Variants in DOCK10 observed in about 807,000 individuals in gnomAD.
DOCK10 encodes the protein dedicator of cytokinesis 10.
A neutral mutation model predicts 280.1 loss-of-function variants in DOCK10; 145 were observed. That is an observed-to-expected ratio of 0.52 (90% CI 0.45 to 0.59). The LOEUF (loss-of-function observed/expected upper bound fraction) is 0.59, where lower values mean the gene tolerates loss of function less well. Among genes scored for constraint, DOCK10 ranks in the 20% least tolerant of loss-of-function variants. The probability of loss-of-function intolerance (pLI) is 0.00; values close to 1 mark genes in which losing one functional copy is unlikely to be tolerated. For synonymous variants in DOCK10, 915 were observed against 942.2 expected, an observed-to-expected ratio of 0.97 and a Z score of 0.53; for missense variants, 2,368 against 2,651.7, an observed-to-expected ratio of 0.89 and a Z score of 2.35.
In DOCK10 at chr2:225,019,447, T is replaced by TTC. The variant is rs755069641; in HGVS notation, c.123+22804_123+22805insGA. Among the ~76,000 whole-genome samples the TTC allele has an allele frequency of 7.9e-3, 1,175 of 149,212 alleles. 10 individuals are homozygous for TTC. Among genetic ancestry groups the TTC allele is most frequent in the Non-Finnish European group, 0.011 (737 of 67,094 alleles). On this transcript the variant is annotated intron_variant, in intron 1 of 55. Transcript: ENST00000258390. ...AGCTCAAGAGAGTGTGGTTTAATCT[T>TTC]TTTTTTTTTTTTTTCCTGGCTAAGA...
chr2:224,815,028 C>A (rs1042628830), intron 30 of DOCK10, among the ~76,000 whole-genome samples: 5 of 152,142 alleles, frequency 3.3e-5, no homozygotes, highest in African/African-American at 1.2e-4. Context: ...GACTCTGTGT[C>A]CCCACCCAAA....
chr2:224,895,977 C>T (rs1699964660), intron 4 of DOCK10, among the ~76,000 whole-genome samples: 1 of 151,512 alleles, frequency 6.6e-6, no homozygotes, highest in Admixed American at 6.6e-5. Flanking sequence ...ACTATTTGGC[C>T]ATATGGTACT....
At chr2:224,934,259 A>G (rs1702558344) in intron 1 of DOCK10, among the ~76,000 whole-genome samples, 1 of 152,208 alleles carries the variant, frequency 6.6e-6, no homozygotes, top group Non-Finnish European at 1.5e-5. Flanking sequence ...GATATTTATT[A>G]GGCCTTTCCT....
intron 1 of DOCK10, among the ~76,000 whole-genome samples, chr2:225,039,721 C>T (rs1690364786): frequency 2.0e-5 from 3 of 151,938 alleles, no homozygotes; most frequent in Admixed American, 2.0e-4. Flanking sequence ...TCTGTATACA[C>T]ACCCCATTCT....
At chr2:224,935,732 T>C (rs1048017756) in intron 1 of DOCK10, among the ~76,000 whole-genome samples, 2 of 152,320 alleles carry the variant, frequency 1.3e-5, no homozygotes, top group East Asian at 3.9e-4. Context: ...CCTATGGGTT[T>C]TTAATGTTCA....
chr2:224,854,663 A>G (rs759733278), intron 16 of DOCK10, among the ~76,000 whole-genome samples: 20 of 152,206 alleles, frequency 1.3e-4, no homozygotes, highest in Non-Finnish European at 2.5e-4. Context: ...ATAATTTAAT[A>G]CCTTGTTAGG....
At chr2:225,004,572 G>A (rs1429450592) in intron 1 of DOCK10, among the ~76,000 whole-genome samples, 5 of 152,208 alleles carry the variant, frequency 3.3e-5, no homozygotes, top group Admixed American at 2.0e-4. Context: ...GCTCAGAGAG[G>A]TTAAATAACT....
At chr2:224,810,908 A>G (rs1693727754) in intron 31 of DOCK10, among the ~76,000 whole-genome samples, 1 of 151,922 alleles carries the variant, frequency 6.6e-6, no homozygotes, top group Non-Finnish European at 1.5e-5. Context: ...GGTTGGCTCC[A>G]AGTCTTTGCT....
At chr2:224,895,715 G>A (rs1253218184) in intron 4 of DOCK10, among the ~76,000 whole-genome samples, 1 of 152,058 alleles carries the variant, frequency 6.6e-6, no homozygotes, top group Non-Finnish European at 1.5e-5. Flanking sequence ...GCTTTTCTGT[G>A]GAGGTGACTT....
chr2:224,857,131 C>T (rs1697202008), intron 14 of DOCK10, 149 bp from the exon 15 acceptor site: 1 of 569,436 alleles, frequency 1.8e-6, no homozygotes, highest in East Asian at 3.2e-5. Flanking sequence ...TTTACAAATG[C>T]TTCATTTATA....
intron 1 of DOCK10, among the ~76,000 whole-genome samples, chr2:224,987,119 C>A (rs1705996060): frequency 6.6e-6 from 1 of 152,132 alleles, no homozygotes; most frequent in Non-Finnish European, 1.5e-5. Flanking sequence ...TTTTAGCTAT[C>A]TCTTTCCCCA....
chr2:224,985,658 G>A (rs1048756388), intron 1 of DOCK10, among the ~76,000 whole-genome samples: 1 of 150,996 alleles, frequency 6.6e-6, no homozygotes, highest in Non-Finnish European at 1.5e-5. Context: ...AACGAATGAA[G>A]GGACTAACAA....
At chr2:224,944,107 C>T (rs915351060) in intron 1 of DOCK10, among the ~76,000 whole-genome samples, 1 of 152,100 alleles carries the variant, frequency 6.6e-6, no homozygotes, top group African/African-American at 2.4e-5. Flanking sequence ...GGGCACGGTA[C>T]AATGAGGCTG....
chr2:224,982,883 C>T (rs1396310926), intron 1 of DOCK10, among the ~76,000 whole-genome samples: 1 of 151,932 alleles, frequency 6.6e-6, no homozygotes, highest in Non-Finnish European at 1.5e-5. Context: ...CTTTTCATAG[C>T]TCATAAGTTC....
chr2:224,934,169 C>T (rs967185793), intron 1 of DOCK10, among the ~76,000 whole-genome samples: 6 of 152,038 alleles, frequency 3.9e-5, no homozygotes, highest in Admixed American at 3.9e-4. Context: ...TCGATATACC[C>T]AAATAAAACA....
chr2:224,811,167 G>A (rs1465710774), intron 31 of DOCK10, among the ~76,000 whole-genome samples: 1 of 152,184 alleles, frequency 6.6e-6, no homozygotes, highest in Non-Finnish European at 1.5e-5. Context: ...ACTTTTTAAT[G>A]ATCGCCATTC....
At chr2:224,771,224 A>G (rs114212088) in intron 53 of DOCK10, among the ~76,000 whole-genome samples, 2,715 of 152,302 alleles carry the variant, frequency 0.018, 70 homozygotes, top group African/African-American at 0.057. Context: ...CTGGGATTAC[A>G]GGCATGAACC....
chr2:225,006,057 A>G (rs1575161268), intron 1 of DOCK10, among the ~76,000 whole-genome samples: 1 of 152,188 alleles, frequency 6.6e-6, no homozygotes, highest in East Asian at 1.9e-4. Context: ...TATTTTTTGG[A>G]GGGGTGAGTA....
chr2:224,790,844 A>G (rs1385318591), intron 47 of DOCK10, among the ~76,000 whole-genome samples: 2 of 152,130 alleles, frequency 1.3e-5, no homozygotes, highest in African/African-American at 4.8e-5. Flanking sequence ...CAAAATAGAA[A>G]AGTATATTAA....
Sources: gnomAD v4.1 joint callset for allele counts (sites outside exome capture counted in the v4.1 genomes callset) on GRCh38, gnomAD v4.1.1 for gene constraint, MANE v1.5 for transcripts, NCBI Gene and HGNC (gene_info 2026-07-23, HGNC 2026-07-21) for gene names.